STK24: variants seen among roughly 807,000 people sequenced by gnomAD.
The protein encoded by STK24 is serine/threonine-protein kinase 24.
Under a neutral mutation model 55.6 loss-of-function variants are expected in STK24, and 21 were observed. That is an observed-to-expected ratio of 0.38 (90% CI 0.27 to 0.54). The LOEUF (loss-of-function observed/expected upper bound fraction) is 0.54, where lower values mean the gene tolerates loss of function less well. Ranked by LOEUF, STK24 falls within the 20% of genes least tolerant of loss-of-function variation. The probability of loss-of-function intolerance (pLI) is 0.79; values close to 1 mark genes in which losing one functional copy is unlikely to be tolerated. For missense variants in STK24, 383 were observed against 538.4 expected, an observed-to-expected ratio of 0.71 and a Z score of 2.86; for synonymous variants, 200 against 215.2, an observed-to-expected ratio of 0.93 and a Z score of 0.62.
intron 1 of STK24, among the ~76,000 whole-genome samples, chr13:98,534,094 T>C (rs1340461518): frequency 1.3e-5 from 2 of 152,196 alleles, no homozygotes; most frequent in Admixed American, 6.5e-5. Context: ...TGAGGCTTCA[T>C]AGCAGAGGCA....
intron 2 of STK24, among the ~76,000 whole-genome samples, chr13:98,496,042 TG>T (rs1464997712): frequency 6.6e-6 from 1 of 152,214 alleles, no homozygotes; most frequent in Non-Finnish European, 1.5e-5. Context: ...AGGCAGCCGA[TG>T]ACTTCCAAAT....
intron 2 of STK24, among the ~76,000 whole-genome samples, chr13:98,513,499 C>CAGTGAG (rs1451349387): frequency 6.6e-6 from 1 of 152,080 alleles, no homozygotes; most frequent in Non-Finnish European, 1.5e-5. Flanking sequence ...CCTGTGCCTT[C>CAGTGAG]AGTGAGGAAA....
chr13:98,528,496 T>C (rs866385612), intron 1 of STK24, among the ~76,000 whole-genome samples: 1 of 152,178 alleles, frequency 6.6e-6, no homozygotes, highest in Non-Finnish European at 1.5e-5. Context: ...ACCCAAGAGT[T>C]ACAAAGACAA....
intron 1 of STK24, among the ~76,000 whole-genome samples, chr13:98,532,273 C>T (rs1017500706): frequency 1.8e-4 from 27 of 152,118 alleles, no homozygotes; most frequent in African/African-American, 6.0e-4. Context: ...CTCCCGGCAC[C>T]TCACCTTTTT....
chr13:98,545,922 T>C (rs1369359444), intron 1 of STK24, among the ~76,000 whole-genome samples: 3 of 152,116 alleles, frequency 2.0e-5, no homozygotes, highest in Non-Finnish European at 2.9e-5. Context: ...GAAAAAAATG[T>C]TACCTTAAAA....
rs1384382534 is a variant in STK24 at position 98,506,192 on chromosome 13, C to G, written c.273+13051G>C. On this transcript the variant is annotated intron_variant, in intron 2 of 10. Transcript: ENST00000539966. The stretch of plus-strand genomic sequence containing the variant: ...TCCAGAAACGACTAGGAACTAACTC[C>G]AAACACATCAGTCAATTCTCTAGAG... Among the ~76,000 whole-genome samples, 9 of 152,332 alleles carry G rather than the reference C, an allele frequency of 5.9e-5. No homozygotes were observed. The South Asian group carries it at 1.9e-3, about 32-fold the overall frequency.
intron 1 of STK24, among the ~76,000 whole-genome samples, chr13:98,532,005 G>C (rs569365252): frequency 9.2e-5 from 14 of 152,266 alleles, no homozygotes; most frequent in African/African-American, 3.4e-4. Context: ...TAAACAGCTC[G>C]ATGTCCCAGC....
At chr13:98,512,294 AAGGATCTTACATAGGTCG>A (rs1240696054) in intron 2 of STK24, among the ~76,000 whole-genome samples, 2 of 152,204 alleles carry the variant, frequency 1.3e-5, no homozygotes, top group Non-Finnish European at 2.9e-5. Context: ...TAAAACAGAA[AAGGATCTTACATAGGTCG>A]ATGATGATGG....
chr13:98,535,618 G>A lies in STK24; in HGVS notation c.43-16145C>T, dbSNP rs186657537. The stretch of plus-strand genomic sequence containing the variant: ...ACGGGAAGGCCTTGTGCTGGGCAGC[G>A]TTCACAAATACGGTTTCTAGACCTC... On this transcript the variant is annotated intron_variant, in intron 1 of 10. Transcript: ENST00000539966. Among the ~76,000 whole-genome samples the A allele has an allele frequency of 2.1e-3, 315 of 152,220 alleles. 1 individual carries two copies. Among genetic ancestry groups the A allele is most frequent in the Non-Finnish European group, 3.5e-3 (236 of 68,002 alleles).
chr13:98,483,604 GCTTCA>G (rs1200016763), intron 2 of STK24, among the ~76,000 whole-genome samples: 4 of 152,146 alleles, frequency 2.6e-5, no homozygotes, highest in Non-Finnish European at 5.9e-5. Flanking sequence ...TCAGGAAAAT[GCTTCA>G]CTTGTCTTCC....
At position 98,448,129 on chromosome 13, in the gene STK24, C is replaced by G; in HGVS notation, c.*5044G>C. On this transcript the variant is annotated 3_prime_UTR_variant, in exon 11 of 11. Coordinates refer to ENST00000539966, the MANE Select transcript of STK24 (RefSeq NM_001032296.4). ...CTCTTCTGCTGAAGTGGCAGATTACCAACCAGGCGGCCTGACTTCACCTTG... is the reference window on the plus strand; with the variant it reads ...CTCTTCTGCTGAAGTGGCAGATTACGAACCAGGCGGCCTGACTTCACCTTG... 1.1e-6 allele frequency: 1 copy of G among 921,720 alleles called. No homozygotes were observed. Among genetic ancestry groups the G allele is most frequent in the Non-Finnish European group, 1.8e-6 (1 of 563,352 alleles). 57.1% of individuals were successfully genotyped at this position (921,720 alleles called of 1,614,324 possible).
At chr13:98,565,908 C>G (rs1007635069) in intron 1 of STK24, among the ~76,000 whole-genome samples, 2 of 152,220 alleles carry the variant, frequency 1.3e-5, no homozygotes, top group East Asian at 3.9e-4. Context: ...AACAAGTTTC[C>G]CGATCAGGAG....
intron 1 of STK24, among the ~76,000 whole-genome samples, chr13:98,562,354 C>T (rs76077729): frequency 3.8e-3 from 573 of 152,242 alleles, no homozygotes; most frequent in Middle Eastern, 6.8e-3. Flanking sequence ...AGACCATGTA[C>T]GCATAACGGG....
intron 2 of STK24, among the ~76,000 whole-genome samples, chr13:98,486,790 G>A (rs1594602011): frequency 6.6e-6 from 1 of 152,166 alleles, no homozygotes; most frequent in Admixed American, 6.5e-5. Flanking sequence ...ATTCTTCCTC[G>A]TCTTGGCTTA....
At chr13:98,466,182 A>C (rs946880329) in intron 6 of STK24, among the ~76,000 whole-genome samples, 194 bp downstream of exon 6, 2 of 152,262 alleles carry the variant, frequency 1.3e-5, no homozygotes, top group African/African-American at 4.8e-5. Flanking sequence ...AAAGAAAATA[A>C]GGAGATTTTT....
chr13:98,514,735 T>C (rs1895996676), intron 2 of STK24, among the ~76,000 whole-genome samples: 1 of 152,236 alleles, frequency 6.6e-6, no homozygotes, highest in Admixed American at 6.5e-5. Flanking sequence ...ACTGGCTTGA[T>C]GTTTGAGAGG....
intron 2 of STK24, among the ~76,000 whole-genome samples, chr13:98,493,404 C>T (rs918353507): frequency 1.1e-4 from 17 of 152,104 alleles, no homozygotes; most frequent in Admixed American, 1.0e-3. Flanking sequence ...CAGGGAAATA[C>T]AACTACAAAT....
At chr13:98,570,877 C>T (rs1470860338) in intron 1 of STK24, among the ~76,000 whole-genome samples, 3 of 152,128 alleles carry the variant, frequency 2.0e-5, no homozygotes, top group Non-Finnish European at 4.4e-5. Flanking sequence ...CAAACTACTC[C>T]GACGACAGTG....
chr13:98,511,560 G>A (rs569483568), intron 2 of STK24, among the ~76,000 whole-genome samples: 3 of 152,244 alleles, frequency 2.0e-5, no homozygotes, highest in South Asian at 2.1e-4. Context: ...CATGTCCTTC[G>A]ATAGGTAAAC....
Sources: gnomAD v4.1 joint callset for allele counts (sites outside exome capture counted in the v4.1 genomes callset) on GRCh38, gnomAD v4.1.1 for gene constraint, MANE v1.5 for transcripts, NCBI Gene and HGNC (gene_info 2026-07-23, HGNC 2026-07-21) for gene names.